Variants in DIP2C observed in about 807,000 individuals in gnomAD.
DIP2C encodes DIP2 acetate--CoA ligase C (putative).
DIP2C carries 33 observed loss-of-function variants against 192.4 expected under a neutral mutation model. That is an observed-to-expected ratio of 0.17 (90% CI 0.13 to 0.23). The LOEUF (loss-of-function observed/expected upper bound fraction) is 0.23. Ranked by LOEUF, DIP2C falls within the 10% of genes least tolerant of loss-of-function variation. DIP2C has a pLI of 1.00. For missense variants in DIP2C, 1,537 were observed against 2,110.1 expected (o/e 0.73, Z 5.32); for synonymous variants, 979 against 864.1 (o/e 1.13, Z -2.33).
chr10:476,058 G>C (rs979758903), intron 2 of DIP2C, among the ~76,000 whole-genome samples: 10 of 152,254 alleles, frequency 6.6e-5, no homozygotes, highest in Middle Eastern at 3.2e-3. Flanking sequence ...GCTCTCAGGA[G>C]CATCACAGGA....
intron 1 of DIP2C, among the ~76,000 whole-genome samples, chr10:498,033 G>A (rs1178057491): frequency 7.2e-5 from 9 of 125,106 alleles, no homozygotes; most frequent in South Asian, 3.5e-4. Flanking sequence ...CACCACACCC[G>A]GCTAACAGTG....
chr10:612,390 A>AT (rs1853155716), intron 1 of DIP2C, among the ~76,000 whole-genome samples: 1 of 152,216 alleles, frequency 6.6e-6, no homozygotes, highest in South Asian at 2.1e-4. Flanking sequence ...TTTACATTTC[A>AT]ATGTTGAATT....
chr10:564,883 C>T (rs578004479), intron 1 of DIP2C, among the ~76,000 whole-genome samples: 1 of 152,216 alleles, frequency 6.6e-6, no homozygotes, highest in African/African-American at 2.4e-5. Context: ...AGAAGACTCA[C>T]ACACACAGTA....
chr10:372,131 A>G (rs1488562791), intron 17 of DIP2C, among the ~76,000 whole-genome samples: 1 of 148,574 alleles, frequency 6.7e-6, no homozygotes, highest in Non-Finnish European at 1.5e-5. Context: ...GCTGCAGTGC[A>G]ATGGCGTGAT....
intron 2 of DIP2C, among the ~76,000 whole-genome samples, chr10:476,577 C>T (rs1056994649): frequency 6.6e-6 from 1 of 152,152 alleles, no homozygotes; most frequent in Admixed American, 6.5e-5. Context: ...TGAGTGCGAG[C>T]GGCCCGGTGT....
chr10:495,608 C>G (rs768946466), intron 1 of DIP2C, among the ~76,000 whole-genome samples: 4 of 152,094 alleles, frequency 2.6e-5, no homozygotes, highest in Non-Finnish European at 5.9e-5. Context: ...GTACAGTCAC[C>G]CTTGGTGTCC....
intron 1 of DIP2C, among the ~76,000 whole-genome samples, chr10:499,130 C>CCCCA (rs1202989356): frequency 6.6e-6 from 1 of 152,170 alleles, no homozygotes; most frequent in African/African-American, 2.4e-5. Context: ...TATGGCTGAA[C>CCCCA]CCCACGATGG....
At chr10:615,760 G>T (rs1210667108) in intron 1 of DIP2C, among the ~76,000 whole-genome samples, 1 of 152,084 alleles carries the variant, frequency 6.6e-6, no homozygotes, top group Non-Finnish European at 1.5e-5. Context: ...CAAGCTTCTT[G>T]ACTTTAGTGT....
chr10:392,526 T>TGA (rs1963548890), intron 10 of DIP2C, among the ~76,000 whole-genome samples: 1 of 152,114 alleles, frequency 6.6e-6, no homozygotes, highest in South Asian at 2.1e-4. Flanking sequence ...TCAGCCAAGG[T>TGA]GAGGCTGGGC....
At chr10:340,985 C>G (rs2132557343) in intron 29 of DIP2C, 1 of 694,094 alleles carries the variant, frequency 1.4e-6, no homozygotes, top group African/African-American at 1.8e-5. Flanking sequence ...CAAAATGCTC[C>G]TTCCCTGCTG....
chr10:359,500 G>C (rs1424855403), intron 22 of DIP2C, among the ~76,000 whole-genome samples: 1 of 152,184 alleles, frequency 6.6e-6, no homozygotes, highest in African/African-American at 2.4e-5. Context: ...CCTACACTCG[G>C]CAAATCATTT....
chr10:401,411 G>A (rs555359058), intron 9 of DIP2C, among the ~76,000 whole-genome samples: 2 of 151,592 alleles, frequency 1.3e-5, no homozygotes, highest in East Asian at 1.9e-4. Context: ...ATCAGCACAT[G>A]AATCCTGTGA....
intron 1 of DIP2C, among the ~76,000 whole-genome samples, chr10:529,785 GCTTTT>G (rs1222063694): frequency 2.0e-5 from 3 of 151,668 alleles, no homozygotes; most frequent in Admixed American, 2.0e-4. Flanking sequence ...GGTTTAGCTT[GCTTTT>G]ATTTTTTTAG....
At chr10:366,220 C>T (rs1960180430) in intron 19 of DIP2C, 55 bp downstream of exon 19, 3 of 1,597,616 alleles carry the variant, frequency 1.9e-6, no homozygotes, top group South Asian at 2.3e-5. Context: ...CTGGCAAGGG[C>T]TCTTTGGAGA....
chr10:439,783 G>T (rs1205693666), intron 4 of DIP2C, among the ~76,000 whole-genome samples: 1 of 152,144 alleles, frequency 6.6e-6, no homozygotes, highest in African/African-American at 2.4e-5. Flanking sequence ...TCTGATGCAT[G>T]TCCTTCTGTC....
rs189762327 is a variant in DIP2C at position 675,496 on chromosome 10, T to A, written c.85+13998A>T. On this transcript the variant is annotated intron_variant, in intron 1 of 36. Transcript: ENST00000280886. ...CAAAAGATGGGAAAAAATGTTGGTT[T>A]TTTGAAAAGATAAATAAAATAGACA... Among the ~76,000 whole-genome samples the A allele has an allele frequency of 7.9e-5, 12 of 151,462 alleles. No homozygotes were observed. In the East Asian group the frequency reaches 2.3e-3, roughly 29 times the overall value.
At chr10:603,297 T>TC (rs1564255236) in intron 1 of DIP2C, among the ~76,000 whole-genome samples, 3 of 32,986 alleles carry the variant, frequency 9.1e-5, no homozygotes, top group Non-Finnish European at 4.6e-5. Flanking sequence ...AGACTCCATC[T>TC]CAAAAAAAAA....
chr10:398,932 C>T (rs976237133), intron 10 of DIP2C, among the ~76,000 whole-genome samples, 177 bp downstream of exon 10: 1 of 152,218 alleles, frequency 6.6e-6, no homozygotes, highest in African/African-American at 2.4e-5. Context: ...CTGTGCTCCA[C>T]CTCCAGGACG....
At chr10:632,152 A>G (rs1854555243) in intron 1 of DIP2C, among the ~76,000 whole-genome samples, 1 of 152,246 alleles carries the variant, frequency 6.6e-6, no homozygotes, top group South Asian at 2.1e-4. Context: ...AGAAGAGGCA[A>G]ACGTGGACCA....
Sources: allele counts gnomAD v4.1 joint callset (sites outside exome capture counted in the v4.1 genomes callset), GRCh38; gene constraint gnomAD v4.1.1; transcripts MANE v1.5; gene names NCBI Gene and HGNC (gene_info 2026-07-23, HGNC 2026-07-21).